The following RELN variants were observed in gnomAD, a reference collection of about 807,000 sequenced individuals.
RELN encodes the protein reelin.
Under a neutral mutation model 427.6 loss-of-function variants are expected in RELN, and 108 were observed. The observed-to-expected ratio is 0.25, with a 90% CI of 0.22 to 0.30. RELN has a LOEUF of 0.30. RELN is among the 10% of genes least tolerant of loss of function. RELN has a pLI of 1.00. For missense variants in RELN, 3,715 were observed against 4,302.8 expected (o/e 0.86, Z 3.82); for synonymous variants, 1,524 against 1,513.4 (o/e 1.01, Z -0.16).
rs114996453 is a variant in RELN, at chr7:103,589,463, T to A, written c.4145+133A>T. ...AATCCCCTTTTAAGATATAAATAAA[T>A]GTTTTAAAAATTATTTTTCCCAGAA... On this transcript the variant is annotated intron_variant, in intron 28 of 64. Transcript: ENST00000428762. 5.7e-6 allele frequency: 4 copies of A among 699,282 alleles called. No individual in the cohort carries two copies. The East Asian group carries it at 1.1e-4, about 19-fold the overall frequency. The allele number at this position is 699,282 out of a possible 1,614,324, so 43.3% of individuals were successfully genotyped here. A position where few individuals can be genotyped will look rare whatever the true frequency, so the allele number is the denominator to read the frequency against.
intron 2 of RELN, among the ~76,000 whole-genome samples, chr7:103,836,042 A>C (rs971175670): frequency 6.6e-6 from 1 of 151,382 alleles, no homozygotes; most frequent in Admixed American, 6.6e-5. Context: ...TGCAACCTGC[A>C]ATCTCCACCG....
At chr7:103,914,902 A>G (rs756104328) in intron 2 of RELN, among the ~76,000 whole-genome samples, 2 of 152,134 alleles carry the variant, frequency 1.3e-5, no homozygotes, top group Non-Finnish European at 2.9e-5. Flanking sequence ...TGGGCTCTCC[A>G]GTGTTTTCTC....
At chr7:103,929,779 T>C (rs937024569) in intron 1 of RELN, among the ~76,000 whole-genome samples, 1 of 152,180 alleles carries the variant, frequency 6.6e-6, no homozygotes, top group African/African-American at 2.4e-5. Context: ...AACACTTGTT[T>C]ACAATAGGAG....
intron 1 of RELN, among the ~76,000 whole-genome samples, chr7:103,962,528 C>T (rs1000528144): frequency 4.6e-5 from 7 of 152,014 alleles, no homozygotes; most frequent in African/African-American, 1.7e-4. Context: ...TGCACTGAGG[C>T]ACCTCACCAG....
In RELN at chr7:103,535,338, G is replaced by A; in HGVS notation, c.7327C>T (p.Leu2443=). 1 of 1,614,044 alleles carries A rather than the reference G, an allele frequency of 6.2e-7. No individual in the cohort carries two copies. Among genetic ancestry groups the A allele is most frequent in the South Asian group, 1.1e-5 (1 of 91,076 alleles). Residue 2443 remains leucine (L), a synonymous_variant, in exon 46 of 65, where the codon CTG becomes TTG. Transcript: ENST00000428762. ...TACCTGGTATAAGGAGGGAGAGGCA[G>A]AGTGATTCTAGTCCACTTGTTGAAA... ...DTFNKWTRIT[L]PLPPYTRSQA... is the part of the protein sequence containing the mutation.
intron 1 of RELN, among the ~76,000 whole-genome samples, chr7:103,951,173 C>A (rs1456788244): frequency 6.6e-6 from 1 of 152,186 alleles, no homozygotes; most frequent in Non-Finnish European, 1.5e-5. Flanking sequence ...CTCCAATCTA[C>A]CAGCAATCAG....
chr7:103,494,365 T>TGTGTGTGTGTGTGTGTGTGTGTGTG (rs1828762311), intron 57 of RELN, among the ~76,000 whole-genome samples: 3 of 118,308 alleles, frequency 2.5e-5, no homozygotes, highest in South Asian at 5.2e-4. Flanking sequence ...GTAATGACTT[T>TGTGTGTGTGTGTGTGTGTGTGTGTG]TGTGTGTGTG....
intron 2 of RELN, among the ~76,000 whole-genome samples, chr7:103,866,436 A>G (rs780602388): frequency 4.6e-5 from 7 of 152,058 alleles, no homozygotes; most frequent in Non-Finnish European, 8.8e-5. Flanking sequence ...TTAGGGATGG[A>G]TATAGCTTTG....
intron 4 of RELN, among the ~76,000 whole-genome samples, chr7:103,771,762 G>GCCT (rs146501847): frequency 0.47 from 71,300 of 151,546 alleles, 17,808 homozygotes; most frequent in African/African-American, 0.64. Flanking sequence ...CTTCTTTCTG[G>GCCT]CCAAGATCTA....
chr7:103,552,907 C>T lies in RELN; in HGVS notation c.6072+554G>A, dbSNP rs116847462. ...ACGCTGGTATAATATACCTTTGGTTCTGCTGATTTTATCTAAGTTTTTGAA... is the reference window on the plus strand; with the variant it reads ...ACGCTGGTATAATATACCTTTGGTTTTGCTGATTTTATCTAAGTTTTTGAA... On this transcript the variant is annotated intron_variant, in intron 40 of 64. Coordinates refer to ENST00000428762, the MANE Select transcript of RELN (RefSeq NM_005045.4). Among the ~76,000 whole-genome samples, 1,306 of 152,164 alleles carry T rather than the reference C, an allele frequency of 8.6e-3. 10 individuals carry two copies. The highest frequency in any genetic ancestry group is 0.011 in the Non-Finnish European group (771 of 68,004).
chr7:103,532,103 T>C (rs997169501), intron 46 of RELN, among the ~76,000 whole-genome samples: 7 of 149,932 alleles, frequency 4.7e-5, no homozygotes, highest in East Asian at 1.9e-4. Context: ...TGGAATACTA[T>C]GCAGCCATAA....
intron 5 of RELN, 55 bp downstream of exon 5, chr7:103,753,127 C>G: frequency 6.3e-7 from 1 of 1,583,142 alleles, no homozygotes; most frequent in South Asian, 1.1e-5. Context: ...GCCAGAAAAG[C>G]CAAACAAGTA....
intron 28 of RELN, among the ~76,000 whole-genome samples, 176 bp from the exon 29 acceptor site, chr7:103,575,881 T>C (rs1190145898): frequency 6.6e-6 from 1 of 152,102 alleles, no homozygotes; most frequent in Non-Finnish European, 1.5e-5. Flanking sequence ...CTCTCTCTCT[T>C]TTTTTTCTTT....
intron 8 of RELN, among the ~76,000 whole-genome samples, chr7:103,710,728 G>A (rs1789773315): frequency 6.6e-6 from 1 of 152,152 alleles, no homozygotes; most frequent in African/African-American, 2.4e-5. Context: ...TTACAGAATT[G>A]TTGTCACAGG....
intron 8 of RELN, among the ~76,000 whole-genome samples, chr7:103,710,789 T>G (rs1231552846): frequency 6.6e-6 from 1 of 152,248 alleles, no homozygotes; most frequent in Non-Finnish European, 1.5e-5. Context: ...CTCATGCCTG[T>G]AATCCCAGCA....
rs138282769 is a variant in RELN at position 103,573,515 on chromosome 7, A to C, written c.4511+577T>G. 3.5e-4 allele frequency among the ~76,000 whole-genome samples: 53 copies of C among 152,350 alleles called. 1 individual carries two copies. The East Asian group carries it at 9.8e-3, about 28-fold the overall frequency. On this transcript the variant is annotated intron_variant, in intron 30 of 64. Transcript: ENST00000428762. The surrounding 1 kb of genome is among the most constrained non-coding windows in gnomAD (Gnocchi z 4.4). ...CCCCAGATTTTGTGAGGAGGTCTAA[A>C]AATTTTAAACATTTTCTCTATTTCC... is the stretch of plus-strand genomic sequence containing the variant.
At chr7:103,691,152 C>A (rs17154340) in intron 10 of RELN, among the ~76,000 whole-genome samples, 2 of 152,006 alleles carry the variant, frequency 1.3e-5, no homozygotes, top group East Asian at 1.9e-4. Flanking sequence ...TCTACCAACC[C>A]AGGGCTGACT....
chr7:103,919,794 T>A (rs1795572375), intron 1 of RELN, among the ~76,000 whole-genome samples: 1 of 152,238 alleles, frequency 6.6e-6, no homozygotes, highest in Non-Finnish European at 1.5e-5. Context: ...TTGGAATGGT[T>A]CTTGAAAGCG....
In RELN at chr7:103,566,772, A is replaced by T; in HGVS notation, c.4589-13T>A. ...TGAACAATAAGCCCTGAGTTAAAAGACATAAATCCAGTTATTTGGACACTT... is the reference window on the plus strand; with the variant it reads ...TGAACAATAAGCCCTGAGTTAAAAGTCATAAATCCAGTTATTTGGACACTT... On this transcript the variant is annotated splice_polypyrimidine_tract_variant and intron_variant, in intron 31 of 64. Coordinates refer to ENST00000428762, the MANE Select transcript of RELN (RefSeq NM_005045.4). The T allele has an allele frequency of 1.9e-6, 3 of 1,613,506 alleles. No homozygotes were observed. Among genetic ancestry groups the T allele is most frequent in the Non-Finnish European group, 2.5e-6 (3 of 1,179,448 alleles).
Sources: allele counts gnomAD v4.1 joint callset (sites outside exome capture counted in the v4.1 genomes callset), GRCh38; gene constraint gnomAD v4.1.1; non-coding constraint Gnocchi (gnomAD v3.1); transcripts MANE v1.5; gene names NCBI Gene and HGNC (gene_info 2026-07-23, HGNC 2026-07-21).